Variants in GPALPP1 observed in about 807,000 individuals in gnomAD.
GPALPP1 encodes GPALPP motifs-containing protein 1.
GPALPP1 carries 30 observed loss-of-function variants against 38.9 expected under a neutral mutation model. The observed-to-expected ratio is 0.77, with a 90% CI of 0.58 to 1.05. The LOEUF (loss-of-function observed/expected upper bound fraction) is 1.05. Ranked by LOEUF, GPALPP1 falls within the 50% of genes least tolerant of loss-of-function variation. The pLI is 0.00. For missense variants in GPALPP1, 384 were observed against 408.8 expected (o/e 0.94, Z 0.52); for synonymous variants, 120 against 139.2 (o/e 0.86, Z 0.97).
exon 8 of GPALPP1, chr13:45,036,021 A>G (rs889530763): frequency 6.6e-6 from 1 of 152,182 alleles, no homozygotes; most frequent in African/African-American, 2.4e-5. Flanking sequence ...TAAAAAAATA[A>G]TAACCACCGC....
In GPALPP1 at chr13:45,020,312, T is replaced by C. The variant is rs972359697; in HGVS notation, c.706-18T>C. 14 of 922,990 alleles carry C rather than the reference T, an allele frequency of 1.5e-5. No homozygotes were observed. The highest frequency in any genetic ancestry group is 6.6e-5 in the African/African-American group (4 of 60,864). 57.2% of individuals were successfully genotyped at this position (922,990 alleles called of 1,614,324 possible). A position where few individuals can be genotyped will look rare whatever the true frequency, so the allele number is the denominator to read the frequency against. ...AATCTTATGATTCAGTAATGTGTTA[T>C]CTGTGTTCATTCCTCAGGAAACACA... On this transcript the variant is annotated intron_variant, in intron 6 of 7. Coordinates refer to ENST00000379151, the MANE Select transcript of GPALPP1 (RefSeq NM_018559.5).
At position 44,999,914 on chromosome 13, in the gene GPALPP1, A is replaced by G. The variant is rs142571572; in HGVS notation, c.89-4391A>G. Among the ~76,000 whole-genome samples, 109 of 152,232 alleles carry G rather than the reference A, an allele frequency of 7.2e-4. 1 individual carries two copies. The East Asian group carries it at 0.014, about 20-fold the overall frequency. On this transcript the variant is annotated intron_variant, in intron 1 of 7. Transcript: ENST00000379151. ...TTTTATATCGCCATCTCAGTATTCT[A>G]TCATTTCATGATGAAATAGTTGTTT... is the stretch of plus-strand genomic sequence containing the variant.
intron 1 of GPALPP1, among the ~76,000 whole-genome samples, chr13:44,996,736 G>C (rs898571844): frequency 1.1e-4 from 16 of 146,104 alleles, no homozygotes; most frequent in Middle Eastern, 3.6e-3. Flanking sequence ...ATCTGCCTCA[G>C]CCTCCCAAAG....
rs1170821002 is a variant in GPALPP1 at position 45,004,411 on chromosome 13, A to G, written c.195A>G (p.Glu65=). ...ACGAAGAAGGAAATCAAGAATCTGAAGAAGATGACAGTGGTCCAACTGCAA... is the reference window on the plus strand; with the variant it reads ...ACGAAGAAGGAAATCAAGAATCTGAGGAAGATGACAGTGGTCCAACTGCAA... ...SLYEEGNQES[E]EDDSGPTARK... Residue 65 remains glutamate (E), a synonymous_variant, in exon 2 of 8, where the codon GAA becomes GAG. Transcript: ENST00000379151. The G allele has an allele frequency of 2.5e-6, 4 of 1,610,014 alleles. No homozygotes were observed. The highest frequency in any genetic ancestry group is 3.4e-6 in the Non-Finnish European group (4 of 1,176,440).
intron 5 of GPALPP1, 35 bp downstream of exon 5, chr13:45,015,118 A>C: frequency 7.4e-7 from 1 of 1,343,960 alleles, no homozygotes; most frequent in Non-Finnish European, 1.0e-6. Context: ...AATACACTAA[A>C]TAGATTAAAA....
chr13:44,996,810 CCA>C (rs1873323361), intron 1 of GPALPP1, among the ~76,000 whole-genome samples: 191 of 86,398 alleles, frequency 2.2e-3, no homozygotes, highest in Admixed American at 2.6e-3. Flanking sequence ...TTTTTTTTTT[CCA>C]GTTTTTAAAA....
intron 1 of GPALPP1, among the ~76,000 whole-genome samples, chr13:44,990,790 T>C (rs932063881): frequency 1.3e-5 from 2 of 152,148 alleles, no homozygotes; most frequent in Non-Finnish European, 2.9e-5. Flanking sequence ...ATAACCACTT[T>C]AAAAATTATG....
rs1789748623 is a variant in GPALPP1 at position 45,027,867 on chromosome 13, A to C, written c.887A>C (p.Gln296Pro). Residue 296 changes from glutamine to proline, a missense_variant, in exon 8 of 8, where the codon CAA becomes CCA. Gln to Pro is a moderately conservative substitution (Grantham distance 76). Coordinates refer to ENST00000379151, the MANE Select transcript of GPALPP1 (RefSeq NM_018559.5). Reference protein sequence around the residue: ...SKAAEDKNKPQERIPFDRDKD... With the variant: ...SKAAEDKNKPPERIPFDRDKD... ...GCTGCTGAAGACAAAAATAAGCCTC[A>C]AGAGAGAATACCATTTGACCGTGAT... 6.2e-7 allele frequency: 1 copy of C among 1,605,616 alleles called. No individual in the cohort carries two copies. Among genetic ancestry groups the C allele is most frequent in the Non-Finnish European group, 8.5e-7 (1 of 1,172,482 alleles).
Position 44,989,605 on chromosome 13 carries a change from T to C in GPALPP1, c.-50T>C. ...ATCGCGGGATTCTTTTTGGATAGGG[T>C]TGACGTTCGTGGATAGACTCATATC... On this transcript the variant is annotated 5_prime_UTR_variant, in exon 1 of 8. Transcript: ENST00000379151. 1 of 1,532,704 alleles carries C rather than the reference T, an allele frequency of 6.5e-7. No individual in the cohort carries two copies. Among genetic ancestry groups the C allele is most frequent in the Non-Finnish European group, 9.0e-7 (1 of 1,108,852 alleles). 94.9% of individuals were successfully genotyped at this position (1,532,704 alleles called of 1,614,324 possible). A position where few individuals can be genotyped will look rare whatever the true frequency, so the allele number is the denominator to read the frequency against.
downstream of GPALPP1, chr13:45,033,433 T>TAGAAG (rs10625762): frequency 0.87 from 131,733 of 151,690 alleles, 58,229 homozygotes; most frequent in East Asian, 1. Context: ...TCATGCTACT[T>TAGAAG]AGATGATTTT....
chr13:44,990,638 A>G (rs562628100), intron 1 of GPALPP1, among the ~76,000 whole-genome samples: 21 of 152,256 alleles, frequency 1.4e-4, no homozygotes, highest in Admixed American at 5.9e-4. Context: ...GTTTATTCAC[A>G]TTTGTAGACT....
exon 8 of GPALPP1, chr13:45,035,699 T>C (rs948901468): frequency 6.6e-6 from 1 of 152,222 alleles, no homozygotes. Flanking sequence ...GATCAGTCTG[T>C]CTCTTAATTT....
rs146604110 is a variant in GPALPP1 at position 45,027,800 on chromosome 13, G to A, written c.820G>A (p.Glu274Lys). 255 of 1,545,094 alleles carry A rather than the reference G, an allele frequency of 1.7e-4. No individual in the cohort carries two copies. In the Middle Eastern group the frequency reaches 2.6e-3, roughly 16 times the overall value. ...CTCTCTCCAGGAATCAAAAAGATCA[G>A]AATCTCTTATGGACATACATCATAA... ...VSSYNESKRS[E>K]SLMDIHHKKL... is the part of the protein sequence containing the mutation. Residue 274 changes from glutamate to lysine, a missense_variant, in exon 8 of 8, where the codon GAA (glutamate) becomes AAA (lysine). By Grantham distance (56) the Glu-to-Lys change is moderately conservative. Transcript: ENST00000379151.
chr13:45,021,412 A>G (rs12584828), intron 7 of GPALPP1, among the ~76,000 whole-genome samples: 12,513 of 152,222 alleles, frequency 0.082, 860 homozygotes, highest in African/African-American at 0.17. Flanking sequence ...TCAAATATCA[A>G]CAAAATCGAA....
rs554559794 is a variant in GPALPP1, at chr13:45,000,454, GGT to G, written c.89-3850_89-3849del. The stretch of plus-strand genomic sequence containing the variant: ...TGAGTGAATGAATACATAAATAAAA[GGT>G]ATGTGTGTACGTTATAATACCAAGA... On this transcript the variant is annotated intron_variant, in intron 1 of 7. Coordinates refer to ENST00000379151, the MANE Select transcript of GPALPP1 (RefSeq NM_018559.5). 2.8e-3 allele frequency among the ~76,000 whole-genome samples: 426 copies of G among 152,050 alleles called. 3 individuals are homozygous for G. The South Asian group carries it at 0.031, about 11-fold the overall frequency.
chr13:45,036,072 A>G (rs530155462), exon 8 of GPALPP1: 6 of 152,316 alleles, frequency 3.9e-5, no homozygotes, highest in Admixed American at 1.3e-4. Context: ...CTCCTTTGTT[A>G]TATGTTCTGT....
chr13:45,024,300 G>A (rs1368640929), intron 7 of GPALPP1, among the ~76,000 whole-genome samples: 2 of 148,266 alleles, frequency 1.3e-5, no homozygotes, highest in Non-Finnish European at 3.0e-5. Context: ...GTGTGTGTGT[G>A]TGTGTGTGTT....
At chr13:45,034,343 TC>T (rs1876329721), downstream of GPALPP1, 1 of 152,136 alleles carries the variant, frequency 6.6e-6, no homozygotes, top group South Asian at 2.1e-4. Context: ...GTAAAAAAGA[TC>T]AAGTAATTGC....
chr13:45,018,178 A>G (rs1424436732), intron 6 of GPALPP1, among the ~76,000 whole-genome samples: 3 of 152,136 alleles, frequency 2.0e-5, no homozygotes, highest in African/African-American at 7.2e-5. Flanking sequence ...TGGGCGGATC[A>G]CAAGGTCAGG....
Sources: allele counts gnomAD v4.1 joint callset (sites outside exome capture counted in the v4.1 genomes callset), GRCh38; gene constraint gnomAD v4.1.1; transcripts MANE v1.5; gene names NCBI Gene and HGNC (gene_info 2026-07-23, HGNC 2026-07-21).